The following TRPM7 variants were observed in gnomAD, a reference collection of about 807,000 sequenced individuals.
The protein encoded by TRPM7 is transient receptor potential cation channel subfamily M member 7.
A neutral mutation model predicts 229.7 loss-of-function variants in TRPM7; 134 were observed. The observed-to-expected ratio is 0.58, with a 90% CI of 0.51 to 0.67. TRPM7 has a LOEUF of 0.67. Among genes scored for constraint, TRPM7 ranks in the 30% least tolerant of loss-of-function variants. The pLI is 0.00. For missense variants in TRPM7, 1,901 were observed against 2,210.0 expected (o/e 0.86, Z 2.80); for synonymous variants, 699 against 715.2 (o/e 0.98, Z 0.36).
At chr15:50,635,616 T>A (rs1243410237) in intron 7 of TRPM7, among the ~76,000 whole-genome samples, 1 of 133,506 alleles carries the variant, frequency 7.5e-6, no homozygotes, top group East Asian at 2.2e-4. Context: ...TGAGCTGAGA[T>A]CGTGCCACTG....
intron 10 of TRPM7, among the ~76,000 whole-genome samples, chr15:50,630,973 C>T (rs954607102): frequency 2.0e-5 from 3 of 151,934 alleles, no homozygotes; most frequent in African/African-American, 7.3e-5. Flanking sequence ...GCTGGGACTA[C>T]AGGTAAATGC....
intron 23 of TRPM7, among the ~76,000 whole-genome samples, 157 bp downstream of exon 23, chr15:50,596,098 T>C (rs1426046512): frequency 6.6e-6 from 1 of 152,136 alleles, no homozygotes; most frequent in South Asian, 2.1e-4. Context: ...CTCATTTGAT[T>C]AGAAAAAGCA....
chr15:50,667,491 A>G (rs1425522653), intron 1 of TRPM7, among the ~76,000 whole-genome samples: 1 of 152,230 alleles, frequency 6.6e-6, no homozygotes, highest in Non-Finnish European at 1.5e-5. Flanking sequence ...GGATCACTTG[A>G]GGCCAGGAGT....
chr15:50,574,684 C>T lies in TRPM7; in HGVS notation c.5055G>A (p.Thr1685=), dbSNP rs183571259. The T allele has an allele frequency of 1.5e-5, 25 of 1,613,762 alleles. No individual in the cohort carries two copies. In the Admixed American group the frequency reaches 2.5e-4, roughly 16 times the overall value. ...TGGGTTTCATTTGATTAAAGGCAAA[C>T]GTAAGCTTTTGTGCTGCTCTCTGTT... ...IQQQRAAQKL[T]FAFNQMKPKS... The change falls in exon 35 of 39, where the codon ACG becomes ACA. Residue 1685 remains threonine (T), a synonymous_variant. Transcript: ENST00000646667.
chr15:50,581,869 T>G (rs1258236779), intron 29 of TRPM7, among the ~76,000 whole-genome samples: 1 of 152,194 alleles, frequency 6.6e-6, no homozygotes. Flanking sequence ...TCTGACTATG[T>G]AGTTTATCTT....
At chr15:50,567,858 G>A (rs991930200) in intron 38 of TRPM7, among the ~76,000 whole-genome samples, 1 of 152,058 alleles carries the variant, frequency 6.6e-6, no homozygotes, top group Non-Finnish European at 1.5e-5. Flanking sequence ...GGAGGCCGAG[G>A]CAGGCGGATC....
chr15:50,662,492 T>C (rs1379636839), intron 2 of TRPM7, among the ~76,000 whole-genome samples: 1 of 152,188 alleles, frequency 6.6e-6, no homozygotes, highest in East Asian at 1.9e-4. Flanking sequence ...TCTCTGATAA[T>C]AGATTTTCCA....
chr15:50,603,724 TG>T (rs1385438138), intron 21 of TRPM7, among the ~76,000 whole-genome samples: 18 of 152,132 alleles, frequency 1.2e-4, no homozygotes, highest in Non-Finnish European at 1.5e-4. Context: ...GATGGACATT[TG>T]GGTTGGTTCC....
intron 10 of TRPM7, among the ~76,000 whole-genome samples, chr15:50,629,848 C>A (rs2060677297): frequency 6.9e-6 from 1 of 144,616 alleles, no homozygotes; most frequent in South Asian, 2.2e-4. Context: ...ATATGGTACT[C>A]TCTTTTTAAC....
intron 1 of TRPM7, among the ~76,000 whole-genome samples, chr15:50,681,408 T>A (rs374187416): frequency 6.6e-6 from 1 of 152,216 alleles, no homozygotes; most frequent in African/African-American, 2.4e-5. Flanking sequence ...GTACTGGGTA[T>A]GATAAATTAG....
intron 38 of TRPM7, among the ~76,000 whole-genome samples, chr15:50,563,323 AC>A (rs1357941292): frequency 1.3e-5 from 2 of 152,262 alleles, no homozygotes; most frequent in African/African-American, 4.8e-5. Flanking sequence ...CATCATAGAT[AC>A]AAGCTATGAT....
chr15:50,596,665 C>A (rs1450957140), intron 22 of TRPM7, among the ~76,000 whole-genome samples: 1 of 152,140 alleles, frequency 6.6e-6, no homozygotes, highest in Non-Finnish European at 1.5e-5. Context: ...ATTTACCCTT[C>A]GAGGCAGGGT....
intron 1 of TRPM7, among the ~76,000 whole-genome samples, chr15:50,666,932 T>C (rs2061898308): frequency 6.6e-6 from 1 of 152,218 alleles, no homozygotes; most frequent in Non-Finnish European, 1.5e-5. Flanking sequence ...CTTCTGTTTC[T>C]TTACTTTCCT....
chr15:50,641,697 G>A (rs1484907665), intron 5 of TRPM7, among the ~76,000 whole-genome samples: 1 of 152,112 alleles, frequency 6.6e-6, no homozygotes. Flanking sequence ...CTGACACAAT[G>A]AGGTTCAAAA....
At position 50,609,872 on chromosome 15, in the gene TRPM7, A is replaced by G. The variant is rs528592592; in HGVS notation, c.2370T>C (p.Asp790=). The change falls in exon 18 of 39, where the codon GAT becomes GAC. Residue 790 remains aspartate (D), a synonymous_variant. Transcript: ENST00000646667. ...TGTCATCCATTGTCATCTGATGAGC[A>G]TCTTGAGATTGTGGGATATGGGACA... ...AEMSHIPQSQ[D]AHQMTMDDSE... 1.9e-6 allele frequency: 3 copies of G among 1,613,278 alleles called. No homozygotes were observed. The Admixed American group carries it at 5.0e-5, about 27-fold the overall frequency.
intron 1 of TRPM7, among the ~76,000 whole-genome samples, chr15:50,679,538 ATTTT>A (rs58783893): frequency 0.013 from 556 of 43,882 alleles, 9 homozygotes; most frequent in East Asian, 0.03. Context: ...ATATATATAT[ATTTT>A]TTTTTTTTTT....
At chr15:50,616,973 T>C (rs1452940840) in intron 13 of TRPM7, among the ~76,000 whole-genome samples, 1 of 151,952 alleles carries the variant, frequency 6.6e-6, no homozygotes, top group East Asian at 1.9e-4. Context: ...ATTTGTGAAA[T>C]GTATTTCAAT....
chr15:50,670,389 G>A (rs2061962769), intron 1 of TRPM7, among the ~76,000 whole-genome samples: 1 of 151,944 alleles, frequency 6.6e-6, no homozygotes, highest in Admixed American at 6.6e-5. Flanking sequence ...TAAGATATAG[G>A]CCATAAAGAC....
At chr15:50,677,606 T>A (rs1293622247) in intron 1 of TRPM7, among the ~76,000 whole-genome samples, 1 of 151,142 alleles carries the variant, frequency 6.6e-6, no homozygotes, top group East Asian at 2.0e-4. Flanking sequence ...GGGTGTGGTG[T>A]CACGCGCCTG....
Sources: gnomAD v4.1 joint callset for allele counts (sites outside exome capture counted in the v4.1 genomes callset) on GRCh38, gnomAD v4.1.1 for gene constraint, MANE v1.5 for transcripts, NCBI Gene and HGNC (gene_info 2026-07-23, HGNC 2026-07-21) for gene names.